FBXO36: variants seen among roughly 807,000 people sequenced by gnomAD.
FBXO36 encodes F-box only protein 36.
A neutral mutation model predicts 17.0 loss-of-function variants in FBXO36; 18 were observed. That is an observed-to-expected ratio of 1.06 (90% CI 0.73 to 1.57). FBXO36 has a LOEUF of 1.57. Among genes scored for constraint, FBXO36 ranks in the 40% most tolerant of loss-of-function variants. FBXO36 has a pLI of 0.00. For missense variants in FBXO36, 229 were observed against 221.9 expected (o/e 1.03, Z -0.20); for synonymous variants, 83 against 85.3 (o/e 0.97, Z 0.15).
At chr2:229,959,372 C>T (rs961423737) in intron 1 of FBXO36, among the ~76,000 whole-genome samples, 6 of 152,072 alleles carry the variant, frequency 3.9e-5, no homozygotes, top group Non-Finnish European at 8.8e-5. Flanking sequence ...ACTTTACTTA[C>T]GTATCCTCCT....
chr2:229,992,324 A>G (rs1383446345), intron 2 of FBXO36, among the ~76,000 whole-genome samples: 2 of 151,808 alleles, frequency 1.3e-5, no homozygotes, highest in East Asian at 3.9e-4. Context: ...TGCCCAGCTG[A>G]TTTTTGTATT....
At chr2:229,938,428 G>A (rs1312833268) in intron 1 of FBXO36, among the ~76,000 whole-genome samples, 1 of 144,364 alleles carries the variant, frequency 6.9e-6, no homozygotes, top group East Asian at 2.0e-4. Context: ...TAGAGATGGC[G>A]TTGTAGAGAT....
intron 1 of FBXO36, among the ~76,000 whole-genome samples, chr2:229,922,861 C>T (rs1049214628): frequency 1.3e-5 from 2 of 152,322 alleles, no homozygotes; most frequent in Admixed American, 1.3e-4. Flanking sequence ...GTGCTCCTTT[C>T]CCGCCACCCC....
intron 3 of FBXO36, among the ~76,000 whole-genome samples, chr2:230,008,401 TA>T (rs1418361360): frequency 4.6e-5 from 7 of 152,154 alleles, no homozygotes; most frequent in Admixed American, 1.3e-4. Flanking sequence ...TGGATCTGAG[TA>T]GCCAAAACTA....
intron 2 of FBXO36, among the ~76,000 whole-genome samples, chr2:229,993,271 G>A (rs1055123030): frequency 9.9e-5 from 15 of 152,078 alleles, no homozygotes; most frequent in Admixed American, 7.2e-4. Flanking sequence ...CAATCCTAAC[G>A]AGAGTAACTA....
chr2:229,926,048 G>A (rs1254606071), intron 1 of FBXO36, among the ~76,000 whole-genome samples: 1 of 151,168 alleles, frequency 6.6e-6, no homozygotes, highest in East Asian at 1.9e-4. Flanking sequence ...CCAGAATTTT[G>A]GGAGGCTCAG....
intron 2 of FBXO36, among the ~76,000 whole-genome samples, chr2:229,978,398 G>A (rs1167879667): frequency 6.6e-6 from 1 of 151,692 alleles, no homozygotes; most frequent in African/African-American, 2.4e-5. Flanking sequence ...GCCTGGCCAA[G>A]ACAGTGAAAC....
intron 1 of FBXO36, among the ~76,000 whole-genome samples, chr2:229,950,841 C>T (rs1291093237): frequency 6.6e-6 from 1 of 150,724 alleles, no homozygotes; most frequent in African/African-American, 2.4e-5. Flanking sequence ...ACTGCAACCA[C>T]TGTCTTCTGG....
At chr2:230,003,085 C>T (rs1423210798) in intron 3 of FBXO36, among the ~76,000 whole-genome samples, 2 of 151,746 alleles carry the variant, frequency 1.3e-5, no homozygotes, top group Non-Finnish European at 2.9e-5. Context: ...TGGTGGCATG[C>T]GCCTATAGTC....
At chr2:229,936,631 G>A (rs2076965394) in intron 1 of FBXO36, among the ~76,000 whole-genome samples, 2 of 152,150 alleles carry the variant, frequency 1.3e-5, no homozygotes, top group Admixed American at 1.3e-4. Flanking sequence ...CACTTTGTGA[G>A]CCTGAGGCAG....
intron 1 of FBXO36, among the ~76,000 whole-genome samples, chr2:229,955,538 A>C (rs773964825): frequency 1.3e-5 from 2 of 151,814 alleles, no homozygotes; most frequent in Non-Finnish European, 2.9e-5. Flanking sequence ...AAGAGAGAGA[A>C]ATATGTTTAC....
chr2:229,939,671 C>CTT (rs1337691785), intron 1 of FBXO36, among the ~76,000 whole-genome samples: 3 of 152,134 alleles, frequency 2.0e-5, no homozygotes, highest in Non-Finnish European at 4.4e-5. Context: ...CATTAATACC[C>CTT]TTTAAAGCCT....
At chr2:229,941,252 G>A (rs1049086279) in intron 1 of FBXO36, among the ~76,000 whole-genome samples, 10 of 151,890 alleles carry the variant, frequency 6.6e-5, no homozygotes, top group African/African-American at 9.7e-5. Context: ...TCAGGAGATC[G>A]AGACCATCCT....
chr2:229,999,530 T>TAC (rs1240226409), intron 3 of FBXO36, among the ~76,000 whole-genome samples: 6 of 149,128 alleles, frequency 4.0e-5, no homozygotes, highest in East Asian at 2.0e-4. Flanking sequence ...TGTGTATATA[T>TAC]ACACACACAC....
At chr2:229,957,470 A>G (rs568401419) in intron 1 of FBXO36, among the ~76,000 whole-genome samples, 1 of 152,206 alleles carries the variant, frequency 6.6e-6, no homozygotes, top group African/African-American at 2.4e-5. Context: ...CCAGCTACTC[A>G]GGAAGCTGAG....
At chr2:229,988,874 G>T in intron 2 of FBXO36, among the ~76,000 whole-genome samples, 1 of 128,734 alleles carries the variant, frequency 7.8e-6, no homozygotes. Context: ...TAGTATTTAT[G>T]CTTTAATAGA....
chr2:229,924,510 G>A (rs1425320016), intron 1 of FBXO36, among the ~76,000 whole-genome samples: 1 of 152,108 alleles, frequency 6.6e-6, no homozygotes, highest in African/African-American at 2.4e-5. Flanking sequence ...AAGTTAGAAT[G>A]TTTTAATTTT....
intron 3 of FBXO36, among the ~76,000 whole-genome samples, chr2:229,999,120 T>A (rs1476760427): frequency 7.6e-6 from 1 of 131,026 alleles, no homozygotes; most frequent in African/African-American, 2.9e-5. Context: ...TTTTAAGTAA[T>A]GTAATTTTTT....
chr2:229,975,868 C>T (rs1341623518), intron 1 of FBXO36, among the ~76,000 whole-genome samples: 1 of 151,210 alleles, frequency 6.6e-6, no homozygotes, highest in African/African-American at 2.4e-5. Context: ...AGTGCAGTGG[C>T]GCGATCTCGG....
Sources: gnomAD v4.1 joint callset for allele counts (sites outside exome capture counted in the v4.1 genomes callset) on GRCh38, gnomAD v4.1.1 for gene constraint, MANE v1.5 for transcripts, NCBI Gene and HGNC (gene_info 2026-07-23, HGNC 2026-07-21) for gene names.